Variants in CDH13 observed in about 807,000 individuals in gnomAD.
The protein encoded by CDH13 is cadherin-13.
In CDH13, 24 loss-of-function variants were observed where a neutral mutation model predicts 63.8. That is an observed-to-expected ratio of 0.38 (90% CI 0.27 to 0.53). The LOEUF (loss-of-function observed/expected upper bound fraction) is 0.53, where lower values mean the gene tolerates loss of function less well. Among genes scored for constraint, CDH13 ranks in the 20% least tolerant of loss-of-function variants. The pLI, the probability that CDH13 is intolerant of heterozygous loss-of-function variation, is 0.85. For missense variants in CDH13, 1,049 were observed against 903.1 expected (o/e 1.16, Z -2.07); for synonymous variants, 503 against 355.3 (o/e 1.42, Z -4.67).
At chr16:83,344,814 A>C in intron 5 of CDH13, 48 bp from the exon 6 acceptor site, 1 of 1,596,776 alleles carries the variant, frequency 6.3e-7, no homozygotes, top group Non-Finnish European at 8.6e-7. Context: ...TTGAATTTTC[A>C]TAATGAATTA....
intron 11 of CDH13, among the ~76,000 whole-genome samples, chr16:83,770,296 C>G (rs1386429626): frequency 6.6e-6 from 1 of 152,210 alleles, no homozygotes; most frequent in Non-Finnish European, 1.5e-5. Flanking sequence ...ACTCAAACTT[C>G]GAGCTCTGTG....
At chr16:82,888,396 C>G (rs1437897240) in intron 2 of CDH13, among the ~76,000 whole-genome samples, 1 of 152,208 alleles carries the variant, frequency 6.6e-6, no homozygotes, top group Admixed American at 6.5e-5. Flanking sequence ...TCTCTGGAGG[C>G]TTCAAATTCC....
At chr16:82,692,673 T>G (rs1915756621) in intron 1 of CDH13, among the ~76,000 whole-genome samples, 1 of 152,260 alleles carries the variant, frequency 6.6e-6, no homozygotes, top group Non-Finnish European at 1.5e-5. Context: ...CTTGAATAGG[T>G]GATATGGCAG....
At chr16:83,495,775 T>C (rs1000750429) in intron 7 of CDH13, among the ~76,000 whole-genome samples, 1 of 152,150 alleles carries the variant, frequency 6.6e-6, no homozygotes, top group African/African-American at 2.4e-5. Context: ...TAGAGCATGA[T>C]TCCCCAGATG....
chr16:83,553,529 G>A (rs2075547758), intron 7 of CDH13, among the ~76,000 whole-genome samples: 1 of 152,072 alleles, frequency 6.6e-6, no homozygotes, highest in South Asian at 2.1e-4. Flanking sequence ...CTGCCCTGTA[G>A]GAATCAAAGT....
intron 4 of CDH13, among the ~76,000 whole-genome samples, chr16:83,208,999 A>G (rs2039259411): frequency 6.6e-6 from 1 of 152,104 alleles, no homozygotes; most frequent in African/African-American, 2.4e-5. Flanking sequence ...CTGCCTGGGA[A>G]GTTCACTATG....
intron 8 of CDH13, among the ~76,000 whole-genome samples, chr16:83,635,774 T>C (rs1367768950): frequency 6.6e-6 from 1 of 152,204 alleles, no homozygotes; most frequent in East Asian, 1.9e-4. Context: ...GTTATCTTAA[T>C]AGAATCTTTC....
chr16:82,743,355 G>T (rs1351692957), intron 1 of CDH13, among the ~76,000 whole-genome samples: 1 of 152,092 alleles, frequency 6.6e-6, no homozygotes, highest in Non-Finnish European at 1.5e-5. Flanking sequence ...AGCCTTTTAG[G>T]TAGTGGGGCC....
At chr16:82,837,451 A>AG (rs929488738) in intron 1 of CDH13, among the ~76,000 whole-genome samples, 6 of 11,144 alleles carry the variant, frequency 5.4e-4, no homozygotes, top group Non-Finnish European at 4.6e-3. Flanking sequence ...AGGAAGTCCT[A>AG]GAGTCCCCAA....
At chr16:83,304,927 A>G (rs1292092980) in intron 5 of CDH13, among the ~76,000 whole-genome samples, 2 of 152,164 alleles carry the variant, frequency 1.3e-5, no homozygotes, top group African/African-American at 2.4e-5. Flanking sequence ...TATTTTATTC[A>G]TAGCAGAACT....
chr16:82,664,901 G>GT (rs1320276035), intron 1 of CDH13, among the ~76,000 whole-genome samples: 1 of 152,072 alleles, frequency 6.6e-6, no homozygotes, highest in African/African-American at 2.4e-5. Flanking sequence ...ATGAATACAT[G>GT]TATATATGCA....
At chr16:83,042,752 T>A (rs1033083874) in intron 3 of CDH13, among the ~76,000 whole-genome samples, 1 of 152,154 alleles carries the variant, frequency 6.6e-6, no homozygotes, top group African/African-American at 2.4e-5. Flanking sequence ...CTCTAAACCG[T>A]CTCACATTGA....
intron 2 of CDH13, among the ~76,000 whole-genome samples, chr16:82,975,200 TG>T (rs1170261972): frequency 6.6e-6 from 1 of 152,174 alleles, no homozygotes; most frequent in East Asian, 1.9e-4. Context: ...CTGGCTGCTG[TG>T]GTTGGATGGT....
At position 83,316,214 on chromosome 16, in the gene CDH13, G is replaced by T. The variant is rs1405907402; in HGVS notation, c.637-28648G>T. Among the ~76,000 whole-genome samples the T allele has an allele frequency of 2.6e-5, 4 of 152,158 alleles. No homozygotes were observed. In the East Asian group the frequency reaches 7.7e-4, roughly 29 times the overall value. On this transcript the variant is annotated intron_variant, in intron 5 of 13. Coordinates refer to ENST00000567109, the MANE Select transcript of CDH13 (RefSeq NM_001257.5). ...CCCATGATCTGATCACCTCCCACGAGGTCCCTCCCCAAACACGTGGGGATT... is the reference window on the plus strand; with the variant it reads ...CCCATGATCTGATCACCTCCCACGATGTCCCTCCCCAAACACGTGGGGATT...
intron 3 of CDH13, among the ~76,000 whole-genome samples, chr16:83,118,801 G>T (rs558004090): frequency 1.3e-5 from 2 of 152,014 alleles, no homozygotes; most frequent in Non-Finnish European, 2.9e-5. Context: ...GCAGTATTGG[G>T]CCTCTTCTCT....
chr16:82,699,888 A>G (rs557465124), intron 1 of CDH13, among the ~76,000 whole-genome samples: 2 of 152,258 alleles, frequency 1.3e-5, no homozygotes, highest in Non-Finnish European at 2.9e-5. Flanking sequence ...GGTGACACTG[A>G]TGCAATGTTT....
chr16:82,880,320 T>C (rs1003798110), intron 2 of CDH13, among the ~76,000 whole-genome samples: 2 of 152,130 alleles, frequency 1.3e-5, no homozygotes, highest in Non-Finnish European at 2.9e-5. Context: ...GGTTTTTAGT[T>C]TCTTATTAGA....
At chr16:83,674,434 G>A (rs770188380) in intron 9 of CDH13, among the ~76,000 whole-genome samples, 12 of 152,150 alleles carry the variant, frequency 7.9e-5, no homozygotes, top group African/African-American at 2.7e-4. Flanking sequence ...TCCTCTTATC[G>A]GGGCAGAAAA....
intron 1 of CDH13, among the ~76,000 whole-genome samples, chr16:82,854,993 T>A (rs2039631000): frequency 6.6e-6 from 1 of 152,192 alleles, no homozygotes; most frequent in African/African-American, 2.4e-5. Context: ...AGTGAATGAA[T>A]GAATGATTTG....
Sources: allele counts gnomAD v4.1 joint callset (sites outside exome capture counted in the v4.1 genomes callset), GRCh38; gene constraint gnomAD v4.1.1; transcripts MANE v1.5; gene names NCBI Gene and HGNC (gene_info 2026-07-23, HGNC 2026-07-21).